EDC3: variants seen among roughly 807,000 people sequenced by gnomAD.
EDC3 encodes enhancer of mRNA-decapping protein 3.
In EDC3, 20 loss-of-function variants were observed where a neutral mutation model predicts 41.8. The ratio of observed to expected loss-of-function variants is 0.48; its 90% confidence interval spans 0.34 to 0.70. The LOEUF (loss-of-function observed/expected upper bound fraction) is 0.70. Among genes scored for constraint, EDC3 ranks in the 30% least tolerant of loss-of-function variants. The pLI, the probability that EDC3 is intolerant of heterozygous loss-of-function variation, is 0.01. For missense variants in EDC3, 444 were observed against 636.8 expected (o/e 0.70, Z 3.26); for synonymous variants, 206 against 243.2 (o/e 0.85, Z 1.42).
chr15:74,694,495 G>A (rs1474949790), intron 1 of EDC3, among the ~76,000 whole-genome samples: 4 of 152,114 alleles, frequency 2.6e-5, no homozygotes, highest in Admixed American at 1.3e-4. Flanking sequence ...TAGTACATAC[G>A]GGGTTTCACC....
At chr15:74,651,869 C>G (rs1359037669) in intron 4 of EDC3, among the ~76,000 whole-genome samples, 2 of 151,948 alleles carry the variant, frequency 1.3e-5, no homozygotes, top group African/African-American at 4.8e-5. Context: ...TACACCTAAC[C>G]TACCAAACAA....
At position 74,671,989 on chromosome 15, in the gene EDC3, C is replaced by T. The variant is rs2062744018; in HGVS notation, c.165-215G>A. On this transcript the variant is annotated intron_variant, in intron 2 of 6. Transcript: ENST00000315127. The surrounding 1 kb of genome is among the most constrained non-coding windows in gnomAD (Gnocchi z 4.6). ...TTAAAAAGAGGCTATTGGCCGGGCA[C>T]GGTGGCTCACGCCTGTAATCCCAGC... Among the ~76,000 whole-genome samples, 1 of 151,902 alleles carries T rather than the reference C, an allele frequency of 6.6e-6. No individual in the cohort carries two copies. The highest frequency in any genetic ancestry group is 1.5e-5 in the Non-Finnish European group (1 of 67,980).
chr15:74,642,021 G>C (rs1256867370), intron 4 of EDC3: 1 of 152,174 alleles, frequency 6.6e-6, no homozygotes, highest in Non-Finnish European at 1.5e-5. Flanking sequence ...CACTGGTCCT[G>C]TCGGGAGAAA....
intron 5 of EDC3, chr15:74,639,285 G>A (rs1039233201): frequency 1.3e-5 from 2 of 152,204 alleles, no homozygotes; most frequent in African/African-American, 4.8e-5. Context: ...AATGTCTTCA[G>A]CAGCTCCCTA....
chr15:74,659,273 A>C (rs2062592343), intron 3 of EDC3, among the ~76,000 whole-genome samples: 1 of 150,360 alleles, frequency 6.7e-6, no homozygotes, highest in Admixed American at 6.6e-5. Context: ...GACCAGCCTG[A>C]TCAACATGGT....
chr15:74,633,021 C>T, intron 6 of EDC3, 75 bp from the exon 7 acceptor site: 1 of 1,475,460 alleles, frequency 6.8e-7, no homozygotes, highest in Non-Finnish European at 9.3e-7. Context: ...GGGCCCAGGT[C>T]ACCCCAAGGG....
intron 1 of EDC3, among the ~76,000 whole-genome samples, chr15:74,688,486 G>A (rs1380881570): frequency 6.6e-6 from 1 of 152,186 alleles, no homozygotes; most frequent in Admixed American, 6.5e-5. Context: ...GCTCCATTGT[G>A]TCCTCCTACA....
chr15:74,632,814 AT>A lies in EDC3; in HGVS notation c.1324del (p.Ile442Ter). The A allele has an allele frequency of 6.2e-7, 1 of 1,614,264 alleles. No homozygotes were observed. The highest frequency in any genetic ancestry group is 8.5e-7 in the Non-Finnish European group (1 of 1,180,036). ...TTCGACTTCATGCACAGGAGGGTCT[AT>A]GCTGAGTACTGGTGCCCGGTTCTGG... ...ANQNRAPVLS[I>X]DPPVHEVEQG... On this transcript the variant is annotated frameshift_variant, in exon 7 of 7. Coordinates refer to ENST00000315127, the MANE Select transcript of EDC3 (RefSeq NM_025083.5). LOFTEE classifies it high-confidence loss of function. The surrounding 1 kb of genome is among the most constrained non-coding windows in gnomAD (Gnocchi z 4.0).
intron 1 of EDC3, among the ~76,000 whole-genome samples, chr15:74,682,386 A>G (rs1015404523): frequency 7.9e-5 from 12 of 152,086 alleles, no homozygotes; most frequent in African/African-American, 2.7e-4. Context: ...TGAGAGGCCA[A>G]GGCGGGTGGA....
chr15:74,634,013 C>T (rs2141567801), intron 6 of EDC3, among the ~76,000 whole-genome samples: 1 of 152,270 alleles, frequency 6.6e-6, no homozygotes, highest in African/African-American at 2.4e-5. Flanking sequence ...TTGCCCTTGA[C>T]TCACTATGTG....
At chr15:74,684,084 GTT>G (rs58548595) in intron 1 of EDC3, among the ~76,000 whole-genome samples, 18 of 103,016 alleles carry the variant, frequency 1.7e-4, no homozygotes, top group Admixed American at 2.1e-4. Flanking sequence ...TTTTGTTTCT[GTT>G]TTTTTTTTTT....
chr15:74,671,782 A>C lies in EDC3; in HGVS notation c.165-8T>G. 6.2e-7 allele frequency: 1 copy of C among 1,610,236 alleles called. No individual in the cohort carries two copies. Among genetic ancestry groups the C allele is most frequent in the African/African-American group, 1.3e-5 (1 of 74,818 alleles). ...TCCGTAATGTCACCTGCCCTGAAAT[A>C]CACAAAAAAGCCAAGTCTCAAAATT... is the stretch of plus-strand genomic sequence containing the variant. On this transcript the variant is annotated splice_polypyrimidine_tract_variant and splice_region_variant and intron_variant, in intron 2 of 6. Transcript: ENST00000315127. This position sits in a 1 kb window ranked among gnomAD's most constrained non-coding sequence, Gnocchi z 4.6.
At chr15:74,662,794 G>A (rs1288918571) in intron 3 of EDC3, among the ~76,000 whole-genome samples, 1 of 152,164 alleles carries the variant, frequency 6.6e-6, no homozygotes, top group Non-Finnish European at 1.5e-5. Flanking sequence ...CAAAGCTCCT[G>A]AAACCAGGTG....
chr15:74,683,145 C>T (rs2062894086), intron 1 of EDC3, among the ~76,000 whole-genome samples: 1 of 152,214 alleles, frequency 6.6e-6, no homozygotes, highest in African/African-American at 2.4e-5. Context: ...GTGGTACATT[C>T]ATACCACAGG....
intron 4 of EDC3, among the ~76,000 whole-genome samples, chr15:74,646,676 G>C (rs966678173): frequency 6.6e-6 from 1 of 152,200 alleles, no homozygotes; most frequent in Non-Finnish European, 1.5e-5. Context: ...CCAGAGGGTG[G>C]TATGAAGGCT....
chr15:74,646,106 CTT>C (rs1456014356), intron 4 of EDC3, among the ~76,000 whole-genome samples: 1 of 138,012 alleles, frequency 7.2e-6, no homozygotes, highest in African/African-American at 2.7e-5. Flanking sequence ...GAGTTTCACT[CTT>C]GTTATCCAGG....
intron 1 of EDC3, among the ~76,000 whole-genome samples, chr15:74,687,494 C>T (rs1296706744): frequency 2.0e-5 from 3 of 152,220 alleles, no homozygotes; most frequent in Non-Finnish European, 2.9e-5. Context: ...TCTCCTTCCT[C>T]AGCCTCCTGA....
intron 1 of EDC3, among the ~76,000 whole-genome samples, chr15:74,692,690 G>C (rs2063020991): frequency 6.6e-6 from 1 of 152,032 alleles, no homozygotes; most frequent in Admixed American, 6.6e-5. Context: ...ATGCAAGATG[G>C]GTTTAACATC....
At chr15:74,675,284 A>T in intron 1 of EDC3, 142 bp from the exon 2 acceptor site, 2 of 657,360 alleles carry the variant, frequency 3.0e-6, no homozygotes, top group Non-Finnish European at 4.6e-6. Flanking sequence ...AATAAATCTT[A>T]AAAAAATTAA....
Sources: allele counts gnomAD v4.1 joint callset (sites outside exome capture counted in the v4.1 genomes callset), GRCh38; gene constraint gnomAD v4.1.1; non-coding constraint Gnocchi (gnomAD v3.1); transcripts MANE v1.5; gene names NCBI Gene and HGNC (gene_info 2026-07-23, HGNC 2026-07-21).